Variants in DYNC1I1 observed in about 807,000 individuals in gnomAD.
The protein encoded by DYNC1I1 is cytoplasmic dynein 1 intermediate chain 1.
Under a neutral mutation model 86.6 loss-of-function variants are expected in DYNC1I1, and 43 were observed. That is an observed-to-expected ratio of 0.50 (90% CI 0.39 to 0.64). The LOEUF is 0.64. Among genes scored for constraint, DYNC1I1 ranks in the 30% least tolerant of loss-of-function variants. DYNC1I1 has a pLI of 0.00. For missense variants in DYNC1I1, 604 were observed against 788.8 expected (o/e 0.77, Z 2.81); for synonymous variants, 262 against 283.7 (o/e 0.92, Z 0.77).
intron 14 of DYNC1I1, among the ~76,000 whole-genome samples, chr7:96,041,930 A>G (rs1789064212): frequency 6.6e-6 from 1 of 152,146 alleles, no homozygotes; most frequent in Non-Finnish European, 1.5e-5. Context: ...TAAATTTAAA[A>G]ATTGATTCCT....
intron 1 of DYNC1I1, among the ~76,000 whole-genome samples, chr7:95,794,157 T>G (rs182573518): frequency 6.6e-5 from 10 of 152,324 alleles, no homozygotes; most frequent in African/African-American, 2.2e-4. Flanking sequence ...TCTTTCTTCA[T>G]GTAGTTATCC....
At chr7:96,015,934 G>C (rs1361196170) in intron 10 of DYNC1I1, among the ~76,000 whole-genome samples, 4 of 152,094 alleles carry the variant, frequency 2.6e-5, no homozygotes, top group African/African-American at 7.2e-5. Context: ...CAAAGTAGCA[G>C]TTTATCAATA....
intron 10 of DYNC1I1, among the ~76,000 whole-genome samples, chr7:96,027,118 C>A (rs536565931): frequency 6.6e-6 from 1 of 152,280 alleles, no homozygotes; most frequent in South Asian, 2.1e-4. Context: ...GGACTGGTAG[C>A]CCATCTGTTC....
chr7:95,925,567 G>A (rs1791723657), intron 6 of DYNC1I1, among the ~76,000 whole-genome samples: 1 of 152,102 alleles, frequency 6.6e-6, no homozygotes, highest in African/African-American at 2.4e-5. Flanking sequence ...TGAATGTTGC[G>A]GGCATGAGTC....
intron 9 of DYNC1I1, among the ~76,000 whole-genome samples, chr7:95,990,046 A>G (rs1261504489): frequency 1.3e-5 from 2 of 152,168 alleles, no homozygotes; most frequent in African/African-American, 4.8e-5. Context: ...AGAGGAGAAA[A>G]AGAAAGAAAT....
chr7:95,841,358 G>A (rs943972527), intron 5 of DYNC1I1, among the ~76,000 whole-genome samples: 3 of 152,144 alleles, frequency 2.0e-5, no homozygotes, highest in African/African-American at 7.2e-5. Flanking sequence ...AGATCCATGG[G>A]TAGCAGCTGG....
chr7:95,862,255 A>T (rs912266425), intron 5 of DYNC1I1, among the ~76,000 whole-genome samples: 34 of 152,222 alleles, frequency 2.2e-4, no homozygotes, highest in South Asian at 4.1e-4. Context: ...TAAAGAAAGT[A>T]AAAAGGCAGC....
intron 5 of DYNC1I1, among the ~76,000 whole-genome samples, chr7:95,850,809 T>G (rs1247244132): frequency 6.6e-6 from 1 of 152,242 alleles, no homozygotes; most frequent in Non-Finnish European, 1.5e-5. Context: ...ATTGAGAATG[T>G]GTACCTTTTC....
At chr7:95,866,398 G>A (rs533677253) in intron 5 of DYNC1I1, among the ~76,000 whole-genome samples, 11 of 152,130 alleles carry the variant, frequency 7.2e-5, no homozygotes, top group Admixed American at 2.0e-4. Context: ...TAGAGAACAC[G>A]CAGGAAAACA....
intron 1 of DYNC1I1, among the ~76,000 whole-genome samples, chr7:95,773,791 T>G (rs10279912): frequency 0.021 from 3,245 of 152,272 alleles, 101 homozygotes; most frequent in African/African-American, 0.071. Flanking sequence ...CATAGGCAAC[T>G]GCAGGTGACA....
chr7:96,026,208 T>C (rs1429449297), intron 10 of DYNC1I1, among the ~76,000 whole-genome samples: 4 of 152,196 alleles, frequency 2.6e-5, no homozygotes, highest in Non-Finnish European at 4.4e-5. Context: ...TGAATCATGT[T>C]CAAGGAATTG....
intron 4 of DYNC1I1, among the ~76,000 whole-genome samples, chr7:95,823,952 C>CTATATATA (rs71127429): frequency 0.074 from 5,716 of 77,516 alleles, 385 homozygotes; most frequent in Middle Eastern, 0.12. Flanking sequence ...TTCTACTAAA[C>CTATATATA]TATATATATA....
intron 14 of DYNC1I1, among the ~76,000 whole-genome samples, chr7:96,071,484 G>T (rs1216784642): frequency 6.6e-6 from 1 of 152,192 alleles, no homozygotes; most frequent in African/African-American, 2.4e-5. Flanking sequence ...TCTGCTCCAT[G>T]CTACCTTTGC....
intron 14 of DYNC1I1, among the ~76,000 whole-genome samples, chr7:96,045,764 A>G (rs562222400): frequency 3.7e-4 from 56 of 152,238 alleles, no homozygotes; most frequent in Non-Finnish European, 6.9e-4. Flanking sequence ...TGTATCATGG[A>G]ATAAGAGATG....
At chr7:95,953,262 T>C (rs1412462554) in intron 6 of DYNC1I1, among the ~76,000 whole-genome samples, 1 of 151,774 alleles carries the variant, frequency 6.6e-6, no homozygotes, top group African/African-American at 2.4e-5. Flanking sequence ...AATTCCCAAA[T>C]TTTAATTACT....
intron 6 of DYNC1I1, among the ~76,000 whole-genome samples, chr7:95,933,442 G>A (rs1294772165): frequency 1.3e-5 from 2 of 152,248 alleles, no homozygotes; most frequent in East Asian, 1.9e-4. Context: ...TCTCAAAAGG[G>A]TTAATCAGAT....
intron 16 of DYNC1I1, among the ~76,000 whole-genome samples, chr7:96,096,008 G>A (rs916012952): frequency 6.6e-6 from 1 of 152,074 alleles, no homozygotes; most frequent in Non-Finnish European, 1.5e-5. Context: ...ACTCATTCAT[G>A]TGACTAAGTA....
chr7:95,811,672 C>T (rs189911234), intron 3 of DYNC1I1, among the ~76,000 whole-genome samples: 17 of 151,980 alleles, frequency 1.1e-4, no homozygotes, highest in Admixed American at 9.8e-4. Context: ...TATAATAAGC[C>T]CCAATAAGAT....
intron 6 of DYNC1I1, among the ~76,000 whole-genome samples, chr7:95,884,064 T>C (rs980318901): frequency 6.6e-6 from 1 of 152,230 alleles, no homozygotes; most frequent in Non-Finnish European, 1.5e-5. Context: ...TGATCTTTGA[T>C]GATAATGATA....
Sources: allele counts gnomAD v4.1 joint callset (sites outside exome capture counted in the v4.1 genomes callset), GRCh38; gene constraint gnomAD v4.1.1; transcripts MANE v1.5; gene names NCBI Gene and HGNC (gene_info 2026-07-23, HGNC 2026-07-21).